FIG4: variants seen among roughly 807,000 people sequenced by gnomAD.
FIG4 encodes polyphosphoinositide phosphatase.
In FIG4, 112 loss-of-function variants were observed where a neutral mutation model predicts 118.6. The ratio of observed to expected loss-of-function variants is 0.94; its 90% confidence interval spans 0.81 to 1.11. The LOEUF (loss-of-function observed/expected upper bound fraction) is 1.11. Among genes scored for constraint, FIG4 ranks in the 50% least tolerant of loss-of-function variants. FIG4 has a pLI of 0.00. For missense variants in FIG4, 969 were observed against 1,111.7 expected (o/e 0.87, Z 1.83); for synonymous variants, 369 against 381.2 (o/e 0.97, Z 0.37).
At chr6:109,692,718 AC>A (rs1404665296) in intron 1 of FIG4, among the ~76,000 whole-genome samples, 1 of 151,346 alleles carries the variant, frequency 6.6e-6, no homozygotes, top group African/African-American at 2.4e-5. Flanking sequence ...TCCCTTTGAG[AC>A]AGAGTCTTGC....
At chr6:109,797,771 C>T (rs1470978054) in intron 22 of FIG4, among the ~76,000 whole-genome samples, 1 of 151,888 alleles carries the variant, frequency 6.6e-6, no homozygotes, top group Admixed American at 6.6e-5. Context: ...TGGTGCGTGC[C>T]TGTAATTCCA....
intron 8 of FIG4, 97 bp downstream of exon 8, chr6:109,741,641 T>TAAA: frequency 1.2e-6 from 1 of 837,416 alleles, no homozygotes; most frequent in African/African-American, 1.7e-5. Flanking sequence ...TGGTATTTCT[T>TAAA]AGTTTGGGAT....
intron 22 of FIG4, among the ~76,000 whole-genome samples, chr6:109,804,842 C>G (rs1323205285): frequency 6.6e-6 from 1 of 152,124 alleles, no homozygotes; most frequent in Non-Finnish European, 1.5e-5. Context: ...TAATCTAAAA[C>G]TAATATAAAG....
intron 12 of FIG4, among the ~76,000 whole-genome samples, chr6:109,763,482 C>A (rs1457875783): frequency 2.0e-5 from 3 of 152,072 alleles, no homozygotes; most frequent in Non-Finnish European, 4.4e-5. Flanking sequence ...TCTACAAAAC[C>A]AACCAAAGAA....
intron 1 of FIG4, among the ~76,000 whole-genome samples, chr6:109,710,909 T>TC (rs34915199): frequency 0.25 from 37,178 of 149,448 alleles, 4,889 homozygotes; most frequent in Middle Eastern, 0.32. Context: ...TATTAGTTTT[T>TC]AAAAAAAAAA....
intron 10 of FIG4, among the ~76,000 whole-genome samples, chr6:109,748,898 A>G (rs192905331): frequency 2.4e-4 from 36 of 152,178 alleles, no homozygotes; most frequent in African/African-American, 8.2e-4. Context: ...AGATCCCTCC[A>G]CAACACGTGG....
At position 109,825,133 on chromosome 6, in the gene FIG4, G is replaced by A. The variant is rs1779120993; in HGVS notation, c.2592G>A (p.Gln864=). The A allele has an allele frequency of 6.2e-7, 1 of 1,613,924 alleles. No homozygotes were observed. The highest frequency in any genetic ancestry group is 2.2e-5 in the East Asian group (1 of 44,878). ...AFSQDNIYEV[Q]PPRVDRKSTE... ...CGCAAGATAACATCTATGAAGTTCA[G>A]CCCCCAAGAGTAGACAGAAAATCTA... The change falls in exon 23 of 23, where the codon CAG becomes CAA. Residue 864 remains glutamine (Q), a synonymous_variant. Transcript: ENST00000230124.
chr6:109,813,517 T>C (rs900349341), intron 22 of FIG4, among the ~76,000 whole-genome samples: 1 of 152,242 alleles, frequency 6.6e-6, no homozygotes, highest in African/African-American at 2.4e-5. Context: ...TTGATTTTTA[T>C]GACCTTGACA....
At chr6:109,740,946 A>G (rs527479834) in intron 7 of FIG4, among the ~76,000 whole-genome samples, 1 of 152,226 alleles carries the variant, frequency 6.6e-6, no homozygotes, top group East Asian at 1.9e-4. Flanking sequence ...AGAGCGAGCA[A>G]AGGGGGAAGT....
In FIG4 at chr6:109,756,306, A is replaced by G. The variant is rs571885889; in HGVS notation, c.1138-3944A>G. On this transcript the variant is annotated intron_variant, in intron 10 of 22. Transcript: ENST00000230124. ...TTGTAGAGTTTCTGCCAAGAGATCC[A>G]CTGTTAGTCTGTTGGGCTTCCCTTT... Among the ~76,000 whole-genome samples, 794 of 152,210 alleles carry G rather than the reference A, an allele frequency of 5.2e-3. 9 individuals carry two copies. The highest frequency in any genetic ancestry group is 0.018 in the African/African-American group (764 of 41,514).
At chr6:109,743,369 G>A (rs1776384885) in intron 9 of FIG4, 97 bp downstream of exon 9, 1 of 1,225,658 alleles carries the variant, frequency 8.2e-7, no homozygotes, top group Non-Finnish European at 1.2e-6. Context: ...AGGTTTTCAG[G>A]AGGTTTTAGT....
chr6:109,765,026 G>A lies in FIG4; in HGVS notation c.1448G>A (p.Arg483Gln), dbSNP rs749233172. 6 of 1,613,750 alleles carry A rather than the reference G, an allele frequency of 3.7e-6. No homozygotes were observed. Among genetic ancestry groups the A allele is most frequent in the African/African-American group, 1.3e-5 (1 of 74,890 alleles). Residue 483 changes from arginine to glutamine, a missense_variant, in exon 14 of 23, where the codon CGA (arginine) becomes CAA (glutamine). Physicochemically the swap from Arg to Gln is conservative, Grantham distance 43 (BLOSUM62 1). Coordinates refer to ENST00000230124, the MANE Select transcript of FIG4 (RefSeq NM_014845.6). ...PTGRLQTGIL[R>Q]TNCVDCLDRT... The stretch of plus-strand genomic sequence containing the variant: ...ATTTCTCTTTAGACTGGCATCCTTC[G>A]AACCAACTGTGTGGACTGTTTAGAT...
intron 1 of FIG4, chr6:109,701,862 A>G (rs1774919513): frequency 7.1e-6 from 3 of 423,956 alleles, no homozygotes; most frequent in Admixed American, 5.6e-5. Flanking sequence ...TAGCGATTAT[A>G]TTAATAACTG....
At chr6:109,751,707 TGTTTATA>T (rs1237429870) in intron 10 of FIG4, among the ~76,000 whole-genome samples, 3 of 152,016 alleles carry the variant, frequency 2.0e-5, no homozygotes, top group Non-Finnish European at 2.9e-5. Flanking sequence ...TGCATAGAGG[TGTTTATA>T]GTAATCTCTG....
chr6:109,703,459 T>A (rs1310768589), intron 1 of FIG4, among the ~76,000 whole-genome samples: 1 of 152,248 alleles, frequency 6.6e-6, no homozygotes, highest in Non-Finnish European at 1.5e-5. Flanking sequence ...ATTGCCAGTT[T>A]AGGAGTCAGC....
At chr6:109,788,504 G>T (rs1270070943) in intron 18 of FIG4, among the ~76,000 whole-genome samples, 1 of 152,196 alleles carries the variant, frequency 6.6e-6, no homozygotes, top group Non-Finnish European at 1.5e-5. Context: ...CCCTTGTTCA[G>T]CCTCAGCTGA....
chr6:109,808,103 A>G (rs973778006), intron 22 of FIG4, among the ~76,000 whole-genome samples: 25 of 152,238 alleles, frequency 1.6e-4, no homozygotes, highest in African/African-American at 6.0e-4. Flanking sequence ...GTGGAGGAGC[A>G]CTCACAGGAA....
At chr6:109,824,415 G>A (rs1420172384) in intron 22 of FIG4, among the ~76,000 whole-genome samples, 2 of 152,172 alleles carry the variant, frequency 1.3e-5, no homozygotes, top group African/African-American at 4.8e-5. Context: ...AAGTGGGGGT[G>A]ATTATTGTCA....
chr6:109,790,828 A>G (rs1778115146), intron 19 of FIG4, among the ~76,000 whole-genome samples: 1 of 152,158 alleles, frequency 6.6e-6, no homozygotes, highest in Admixed American at 6.5e-5. Flanking sequence ...TCTATTCCCT[A>G]CTATTAAAGG....
Sources: allele counts gnomAD v4.1 joint callset (sites outside exome capture counted in the v4.1 genomes callset), GRCh38; gene constraint gnomAD v4.1.1; transcripts MANE v1.5; gene names NCBI Gene and HGNC (gene_info 2026-07-23, HGNC 2026-07-21).